FAAH2: variants seen among roughly 807,000 people sequenced by gnomAD.
FAAH2 encodes fatty acid amide hydrolase 2, also known as fatty-acid amide hydrolase 2.
A neutral mutation model predicts 36.9 loss-of-function variants in FAAH2; 60 were observed. The observed-to-expected ratio is 1.63, with a 90% CI of 1.32 to 2.02. The LOEUF is 2.02. Ranked by LOEUF, FAAH2 falls within the 30% of genes most tolerant of loss-of-function variation. FAAH2 has a pLI of 0.00. For missense variants in FAAH2, 689 were observed against 397.5 expected (o/e 1.73, Z -6.23); for synonymous variants, 214 against 143.8 (o/e 1.49, Z -3.49).
chrX:57,346,719 ATTCT>A (rs1198928548), intron 5 of FAAH2, among the ~76,000 whole-genome samples: 1 of 111,564 alleles, frequency 9.0e-6, no homozygotes, highest in Non-Finnish European at 1.9e-5. Flanking sequence ...AGCAGGCATC[ATTCT>A]TTTGTTTCTA....
chrX:57,402,984 G>C (rs2055476182), intron 7 of FAAH2, among the ~76,000 whole-genome samples: 1 of 112,061 alleles, frequency 8.9e-6, no homozygotes, highest in South Asian at 3.7e-4. Context: ...TGATCTAGCA[G>C]TAACATTATA....
At chrX:57,350,064 G>A (rs1046532165) in intron 5 of FAAH2, among the ~76,000 whole-genome samples, 3 of 111,033 alleles carry the variant, frequency 2.7e-5, no homozygotes, top group African/African-American at 6.5e-5. Context: ...GACCCTCTCA[G>A]CAGAAACTTC....
chrX:57,184,699 T>A, the FAAH2 span, among the ~76,000 whole-genome samples: 1 of 112,665 alleles, frequency 8.9e-6, no homozygotes, highest in African/African-American at 3.2e-5. Flanking sequence ...GTTGAATTTG[T>A]ACTTGTAAAA....
chrX:57,198,135 A>T, the FAAH2 span, among the ~76,000 whole-genome samples: 1 of 111,122 alleles, frequency 9.0e-6, no homozygotes, highest in South Asian at 3.8e-4. Flanking sequence ...TAGAGCTCCC[A>T]AGAGGTTATG....
intron 2 of FAAH2, among the ~76,000 whole-genome samples, chrX:57,310,266 G>A (rs994781587): frequency 9.9e-5 from 11 of 111,603 alleles, no homozygotes; most frequent in African/African-American, 3.6e-4. Context: ...GCAACACCAC[G>A]TTTATTGGCC....
chrX:57,162,877 C>T, the FAAH2 span, among the ~76,000 whole-genome samples: 1 of 113,125 alleles, frequency 8.8e-6, no homozygotes, highest in Non-Finnish European at 1.9e-5. Flanking sequence ...AGTCAATCTC[C>T]ATCCAGCTTT....
At position 57,470,921 on chromosome X, in the gene FAAH2, G is replaced by A. The variant is rs764222342; in HGVS notation, c.1424-17836G>A. ...CATGATCAAGTGGGCTTCATCCCTG[G>A]GATGCAAGGCTGCTTCAACACACGC... On this transcript the variant is annotated intron_variant, in intron 10 of 10. Coordinates refer to ENST00000374900, the MANE Select transcript of FAAH2 (RefSeq NM_174912.4). 7.2e-5 allele frequency among the ~76,000 whole-genome samples: 8 copies of A among 111,488 alleles called. No individual in the cohort carries two copies. In the South Asian group the frequency reaches 1.5e-3, roughly 21 times the overall value.
the FAAH2 span, among the ~76,000 whole-genome samples, chrX:57,263,260 G>A: frequency 8.9e-6 from 1 of 111,871 alleles, no homozygotes; most frequent in Non-Finnish European, 1.9e-5. Flanking sequence ...TTGCAAGATA[G>A]AAGATCAGAT....
chrX:57,408,889 A>T (rs1456097489), intron 7 of FAAH2, among the ~76,000 whole-genome samples: 1 of 111,628 alleles, frequency 9.0e-6, no homozygotes, highest in Non-Finnish European at 1.9e-5. Flanking sequence ...TCATATACAG[A>T]CTTGTGTCCC....
intron 2 of FAAH2, among the ~76,000 whole-genome samples, chrX:57,303,877 A>C (rs1189453640): frequency 9.0e-6 from 1 of 111,725 alleles, no homozygotes. Context: ...ACCTATACTC[A>C]CTGAAATCTA....
the FAAH2 span, among the ~76,000 whole-genome samples, chrX:57,235,062 T>C: frequency 9.9e-5 from 11 of 110,823 alleles, no homozygotes; most frequent in African/African-American, 3.6e-4. Flanking sequence ...TGGGGGCCCT[T>C]GCTGTATAGG....
the FAAH2 span, among the ~76,000 whole-genome samples, chrX:57,127,913 C>A: frequency 8.9e-6 from 1 of 111,795 alleles, no homozygotes; most frequent in Non-Finnish European, 1.9e-5. Flanking sequence ...TGGGATCATA[C>A]TCTTTACATT....
At chrX:57,418,322 C>T in intron 7 of FAAH2, among the ~76,000 whole-genome samples, 1 of 111,821 alleles carries the variant, frequency 8.9e-6, no homozygotes, top group Non-Finnish European at 1.9e-5. Flanking sequence ...CAAACTGCTG[C>T]CCAGTGTTTT....
chrX:57,187,777 G>C, the FAAH2 span, among the ~76,000 whole-genome samples: 2 of 111,248 alleles, frequency 1.8e-5, no homozygotes, highest in Non-Finnish European at 3.8e-5. Context: ...TAGCATGAAG[G>C]GGTATTGAAT....
chrX:57,244,866 T>C, the FAAH2 span, among the ~76,000 whole-genome samples: 5 of 111,312 alleles, frequency 4.5e-5, no homozygotes, highest in East Asian at 1.4e-3. Flanking sequence ...CAGGTTCAAA[T>C]TGACCCATAA....
At chrX:57,414,745 C>A (rs1047372061) in intron 7 of FAAH2, among the ~76,000 whole-genome samples, 5 of 109,978 alleles carry the variant, frequency 4.5e-5, no homozygotes, top group Admixed American at 9.7e-5. Context: ...TGAGTTAGGG[C>A]GGATTCCCTC....
intron 8 of FAAH2, among the ~76,000 whole-genome samples, chrX:57,437,275 C>A (rs1438763051): frequency 9.0e-6 from 1 of 110,983 alleles, no homozygotes; most frequent in Non-Finnish European, 1.9e-5. Flanking sequence ...TAATATCACA[C>A]TGAATGGAGA....
At chrX:57,402,395 A>C (rs2055460068) in intron 7 of FAAH2, among the ~76,000 whole-genome samples, 1 of 111,934 alleles carries the variant, frequency 8.9e-6, no homozygotes, top group Non-Finnish European at 1.9e-5. Context: ...CACTTGCCTG[A>C]GTGCCATGAC....
intron 7 of FAAH2, among the ~76,000 whole-genome samples, chrX:57,419,854 C>A (rs997633911): frequency 2.0e-4 from 22 of 111,795 alleles, no homozygotes; most frequent in African/African-American, 6.5e-4. Context: ...GGTTTTAGGT[C>A]TAACATGTAA....
Sources: allele counts gnomAD v4.1 joint callset (sites outside exome capture counted in the v4.1 genomes callset), GRCh38; gene constraint gnomAD v4.1.1; transcripts MANE v1.5; gene names NCBI Gene and HGNC (gene_info 2026-07-23, HGNC 2026-07-21).